Variants in DAB2IP observed in about 807,000 individuals in gnomAD.
DAB2IP encodes DAB2 interacting protein, also known as disabled homolog 2-interacting protein.
DAB2IP carries 28 observed loss-of-function variants against 107.2 expected under a neutral mutation model. The observed-to-expected ratio is 0.26, with a 90% CI of 0.19 to 0.36. The LOEUF (loss-of-function observed/expected upper bound fraction) is 0.36. Ranked by LOEUF, DAB2IP falls within the 10% of genes least tolerant of loss-of-function variation. DAB2IP has a pLI of 1.00. For synonymous variants in DAB2IP, 755 were observed against 706.4 expected (o/e 1.07, Z -1.09); for missense variants, 1,400 against 1,644.7 (o/e 0.85, Z 2.57).
Position 121,760,535 on chromosome 9 carries a change from C to T in DAB2IP, c.1170+96C>T, listed in dbSNP as rs1354289469. On this transcript the variant is annotated intron_variant, in intron 6 of 15. Transcript: ENST00000408936. This position sits in a 1 kb window ranked among gnomAD's most constrained non-coding sequence, Gnocchi z 5.9. ...CCGTACATTTCAGGCCTAACAGAGG[C>T]CTTGGAGGCACCGGTCACTACCAGA... 1 of 1,400,408 alleles carries T rather than the reference C, an allele frequency of 7.1e-7. No individual in the cohort carries two copies. The highest frequency in any genetic ancestry group is 1.5e-5 in the South Asian group (1 of 66,824). 86.7% of individuals were successfully genotyped at this position (1,400,408 alleles called of 1,614,324 possible). A position where few individuals can be genotyped will look rare whatever the true frequency, so the allele number is the denominator to read the frequency against.
Position 121,634,546 on chromosome 9 carries a change from C to T in DAB2IP, c.41-44132C>T, listed in dbSNP as rs963029265. Reference sequence around the variant, plus strand: ...GCACAAGCCTGGGCAGGTGCAGCCTCGGTGCGCAGTTTGGAAGGGGTGACG... The same window carrying T: ...GCACAAGCCTGGGCAGGTGCAGCCTTGGTGCGCAGTTTGGAAGGGGTGACG... On this transcript the variant is annotated intron_variant, in intron 1 of 16. Transcript: ENST00000259371. The surrounding 1 kb of genome is among the most constrained non-coding windows in gnomAD (Gnocchi z 4.7). 2.6e-5 allele frequency among the ~76,000 whole-genome samples: 4 copies of T among 152,086 alleles called. No homozygotes were observed. The highest frequency in any genetic ancestry group is 1.9e-4 in the East Asian group (1 of 5,174).
At chr9:121,705,552 C>T (rs1383601390) in intron 3 of DAB2IP, among the ~76,000 whole-genome samples, 1 of 152,220 alleles carries the variant, frequency 6.6e-6, no homozygotes, top group African/African-American at 2.4e-5. Context: ...TGTCTGTGTA[C>T]GTATACCCTG....
chr9:121,751,112 CCTGCCCGGCTGCTGTGGACCTTTCCCTG>C (rs1220237930), intron 3 of DAB2IP: 108 of 212,740 alleles, frequency 5.1e-4, no homozygotes, highest in Admixed American at 7.2e-4. Flanking sequence ...GACCTTTCCC[CCTGCCCGGCTGCTGTGGACCTTTCCCTG>C]CTGCCCGGCT....
At chr9:121,617,217 C>T (rs1469487152) in intron 1 of DAB2IP, among the ~76,000 whole-genome samples, 1 of 152,092 alleles carries the variant, frequency 6.6e-6, no homozygotes, top group Non-Finnish European at 1.5e-5. Flanking sequence ...CCCAGCTACT[C>T]AGGAAGCTGA....
chr9:121,678,686 C>A, exon 2 of DAB2IP: 1 of 1,567,738 alleles, frequency 6.4e-7, no homozygotes, highest in Non-Finnish European at 8.7e-7. Flanking sequence ...AGAGTCGCCT[C>A]AAGAAAGGCC....
intron 3 of DAB2IP, among the ~76,000 whole-genome samples, chr9:121,706,142 C>T (rs1430327276): frequency 6.6e-6 from 1 of 152,220 alleles, no homozygotes; most frequent in African/African-American, 2.4e-5. Flanking sequence ...TCTGGTGGTT[C>T]TAGTCTCTTG....
intron 6 of DAB2IP, among the ~76,000 whole-genome samples, chr9:121,763,246 C>T (rs56234616): frequency 1.3e-5 from 2 of 150,590 alleles, no homozygotes; most frequent in South Asian, 2.1e-4. Flanking sequence ...GTGGCATGCT[C>T]TCATTCAGGC....
chr9:121,617,709 G>A (rs561297912), intron 1 of DAB2IP, among the ~76,000 whole-genome samples: 14 of 152,346 alleles, frequency 9.2e-5, no homozygotes, highest in African/African-American at 2.4e-4. Context: ...TTACAGATGA[G>A]GAAATCGAGG....
chr9:121,580,732 C>T lies in DAB2IP; in HGVS notation c.40+13504C>T, dbSNP rs112532322. Among the ~76,000 whole-genome samples the T allele has an allele frequency of 8.0e-3, 1,217 of 152,262 alleles. 9 individuals carry two copies. The highest frequency in any genetic ancestry group is 0.029 in the South Asian group (140 of 4,822). On this transcript the variant is annotated intron_variant, in intron 1 of 16. Transcript: ENST00000259371. ...CTCCGCCTCTCAGGTTCACGCCATT[C>T]TCCTGCCTCAGCCTCCTGAGTAGCT...
At chr9:121,766,657 T>G in exon 9 of DAB2IP, 2 of 1,613,948 alleles carry the variant, frequency 1.2e-6, no homozygotes. Context: ...GCTGCAGGAG[T>G]ACCCTGATGA....
intron 1 of DAB2IP, among the ~76,000 whole-genome samples, chr9:121,607,909 G>GAAAC (rs1830938196): frequency 2.0e-5 from 3 of 152,356 alleles, no homozygotes; most frequent in African/African-American, 4.8e-5. Context: ...TGTTTGCCGG[G>GAAAC]AGCAGCAGGA....
intron 3 of DAB2IP, among the ~76,000 whole-genome samples, chr9:121,708,903 G>A (rs1830189675): frequency 6.6e-6 from 1 of 152,238 alleles, no homozygotes; most frequent in Non-Finnish European, 1.5e-5. Context: ...GCCAGGTGGG[G>A]TGGGCTGCAC....
intron 14 of DAB2IP, among the ~76,000 whole-genome samples, chr9:121,779,562 CCTTTT>C (rs1402530143): frequency 2.0e-5 from 3 of 152,196 alleles, no homozygotes; most frequent in Non-Finnish European, 4.4e-5. Context: ...CTCAGGGTTT[CCTTTT>C]AAGTTTTGTT....
chr9:121,773,336 C>A, exon 12 of DAB2IP: 1 of 1,567,422 alleles, frequency 6.4e-7, no homozygotes, highest in East Asian at 2.3e-5. Flanking sequence ...GCCGGACGCC[C>A]CCCAACCTGC....
At chr9:121,739,684 G>T (rs545331165) in intron 3 of DAB2IP, among the ~76,000 whole-genome samples, 1 of 152,178 alleles carries the variant, frequency 6.6e-6, no homozygotes, top group Admixed American at 6.5e-5. Flanking sequence ...CATTTCAGAC[G>T]TGAAGCTCCG....
chr9:121,745,194 G>A (rs1832640708), intron 3 of DAB2IP, among the ~76,000 whole-genome samples: 1 of 152,194 alleles, frequency 6.6e-6, no homozygotes. Flanking sequence ...CTGTGTGAGG[G>A]TCAGAGGTGC....
intron 1 of DAB2IP, among the ~76,000 whole-genome samples, chr9:121,587,660 A>T (rs979888088): frequency 6.6e-6 from 1 of 151,804 alleles, no homozygotes; most frequent in Non-Finnish European, 1.5e-5. Context: ...GCCGAAGGTC[A>T]AGAAACAGAG....
intron 3 of DAB2IP, among the ~76,000 whole-genome samples, chr9:121,753,995 G>C (rs969754059): frequency 1.3e-5 from 2 of 152,196 alleles, no homozygotes; most frequent in African/African-American, 4.8e-5. Context: ...ATGAAGCCAG[G>C]GTAGGGGAGA....
intron 1 of DAB2IP, among the ~76,000 whole-genome samples, chr9:121,588,637 G>GGGAAGGGAAA (rs1589380787): frequency 6.6e-6 from 1 of 151,032 alleles, no homozygotes; most frequent in Non-Finnish European, 1.5e-5. Context: ...GGGAAGGGAA[G>GGGAAGGGAAA]GGAAGGAAAG....
Sources: gnomAD v4.1 joint callset for allele counts (sites outside exome capture counted in the v4.1 genomes callset) on GRCh38, gnomAD v4.1.1 for gene constraint, Gnocchi (gnomAD v3.1) non-coding constraint, MANE v1.5 for transcripts, NCBI Gene and HGNC (gene_info 2026-07-23, HGNC 2026-07-21) for gene names.